The following CDH18 variants were observed in gnomAD, a reference collection of about 807,000 sequenced individuals.
CDH18 encodes cadherin 18.
CDH18 carries 31 observed loss-of-function variants against 67.9 expected under a neutral mutation model. The ratio of observed to expected loss-of-function variants is 0.46; its 90% confidence interval spans 0.34 to 0.62. The LOEUF is 0.62. Among genes scored for constraint, CDH18 ranks in the 20% least tolerant of loss-of-function variants. The probability of loss-of-function intolerance (pLI) is 0.01; values close to 1 mark genes in which losing one functional copy is unlikely to be tolerated. For missense variants in CDH18, 890 were observed against 975.5 expected (o/e 0.91, Z 1.17); for synonymous variants, 362 against 347.2 (o/e 1.04, Z -0.48).
chr5:19,578,930 A>G (rs1428132809), intron 7 of CDH18, among the ~76,000 whole-genome samples: 1 of 151,932 alleles, frequency 6.6e-6, no homozygotes, highest in Non-Finnish European at 1.5e-5. Context: ...TTTGGAAAGG[A>G]GCATTTTATT....
At chr5:20,132,932 T>G (rs1234600236) in intron 2 of CDH18, among the ~76,000 whole-genome samples, 1 of 152,174 alleles carries the variant, frequency 6.6e-6, no homozygotes, top group Non-Finnish European at 1.5e-5. Context: ...AGAACTTTTT[T>G]TTATTACTAG....
At chr5:19,736,323 G>C (rs917539529) in intron 4 of CDH18, among the ~76,000 whole-genome samples, 1 of 152,240 alleles carries the variant, frequency 6.6e-6, no homozygotes, top group Middle Eastern at 3.4e-3. Flanking sequence ...CAAGGCTGCA[G>C]TGAGCCATAA....
intron 9 of CDH18, among the ~76,000 whole-genome samples, chr5:19,543,485 T>G (rs1186949455): frequency 6.6e-6 from 1 of 152,158 alleles, no homozygotes; most frequent in Admixed American, 6.5e-5. Context: ...AATGTGCAAT[T>G]ATACATTTTT....
intron 2 of CDH18, chr5:19,848,138 C>T (rs1051616267): frequency 1.3e-5 from 2 of 152,168 alleles, no homozygotes; most frequent in African/African-American, 4.8e-5. Context: ...CTGGAGCAGG[C>T]AGGAAACTGC....
At chr5:19,954,840 T>A (rs1248068786) in intron 2 of CDH18, among the ~76,000 whole-genome samples, 1 of 144,634 alleles carries the variant, frequency 6.9e-6, no homozygotes, top group Non-Finnish European at 1.5e-5. Context: ...TTATGAAAAA[T>A]AACAATCTCA....
At chr5:20,303,961 T>C (rs1438608198) in intron 1 of CDH18, 1 of 770,208 alleles carries the variant, frequency 1.3e-6, no homozygotes, top group Non-Finnish European at 2.2e-6. Flanking sequence ...TCTTAGAATG[T>C]CAAAGAAGAG....
intron 2 of CDH18, among the ~76,000 whole-genome samples, chr5:19,923,991 GT>G (rs1490733287): frequency 6.6e-6 from 1 of 152,160 alleles, no homozygotes; most frequent in East Asian, 1.9e-4. Context: ...CAAGAAGAGT[GT>G]GTGTTTCAGT....
intron 7 of CDH18, among the ~76,000 whole-genome samples, chr5:19,586,130 G>A (rs1323926138): frequency 6.6e-6 from 1 of 152,080 alleles, no homozygotes; most frequent in African/African-American, 2.4e-5. Flanking sequence ...TGATACAGAG[G>A]AAATACTCTA....
chr5:19,703,619 C>T (rs1001460655), intron 5 of CDH18, among the ~76,000 whole-genome samples: 5 of 151,998 alleles, frequency 3.3e-5, no homozygotes, highest in Non-Finnish European at 7.4e-5. Context: ...AGCAGTGCCT[C>T]GAGTGACTGC....
At position 19,520,683 on chromosome 5, in the gene CDH18, C is replaced by G; in HGVS notation, c.1486G>C (p.Val496Leu). The G allele has an allele frequency of 6.2e-7, 1 of 1,612,966 alleles. No individual in the cohort carries two copies. Among genetic ancestry groups the G allele is most frequent in the East Asian group, 2.2e-5 (1 of 44,794 alleles). Residue 496 changes from valine to leucine, a missense_variant, in exon 10 of 13, where the codon GTA (valine) becomes CTA (leucine). By Grantham distance (32) the Val-to-Leu change is conservative (BLOSUM62 1). Coordinates refer to ENST00000382275, the MANE Select transcript of CDH18 (RefSeq NM_004934.5). ...TGGCCAGGCTTAGAATTTTCACATA[C>G]AATAATATCATATTCCCTGGCAAGT... Reference protein sequence around the residue: ...PELAREYDIIVCENSKPGQVI... With the variant: ...PELAREYDIILCENSKPGQVI...
chr5:20,217,544 A>G lies in CDH18; in HGVS notation c.-518+37900T>C, dbSNP rs1009710490. Among the ~76,000 whole-genome samples, 50 of 151,950 alleles carry G rather than the reference A, an allele frequency of 3.3e-4. 2 individuals are homozygous for G. Among genetic ancestry groups the G allele is most frequent in the Non-Finnish European group, 4.4e-5 (3 of 67,920 alleles). ...ATAAACAAATAATAAACAGCAAGGA[A>G]TTAGAACATACCACCTGAGAAAATC... is the stretch of plus-strand genomic sequence containing the variant. On this transcript the variant is annotated intron_variant, in intron 2 of 14. Coordinates refer to the CDH18 transcript ENST00000507958.
intron 1 of CDH18, among the ~76,000 whole-genome samples, chr5:20,439,766 C>T (rs888395595): frequency 6.6e-6 from 1 of 151,614 alleles, no homozygotes; most frequent in Non-Finnish European, 1.5e-5. Context: ...ATCCTCATTC[C>T]TTGTCTATTT....
chr5:20,156,895 A>C (rs757090641), intron 2 of CDH18, among the ~76,000 whole-genome samples: 1 of 152,232 alleles, frequency 6.6e-6, no homozygotes, highest in Non-Finnish European at 1.5e-5. Context: ...TAAAATGCCA[A>C]TACATCTAAC....
intron 5 of CDH18, among the ~76,000 whole-genome samples, chr5:19,680,958 C>T (rs1372220135): frequency 6.6e-6 from 1 of 151,984 alleles, no homozygotes; most frequent in African/African-American, 2.4e-5. Context: ...AAGACACATT[C>T]ATGTATATGT....
intron 3 of CDH18, among the ~76,000 whole-genome samples, chr5:19,755,315 A>G (rs1771391438): frequency 6.7e-6 from 1 of 149,116 alleles, no homozygotes; most frequent in Admixed American, 6.7e-5. Flanking sequence ...AATCCAAATA[A>G]CCTCGGTAAG....
chr5:19,938,384 A>G (rs904924466), intron 2 of CDH18, among the ~76,000 whole-genome samples: 3 of 151,288 alleles, frequency 2.0e-5, no homozygotes, highest in Non-Finnish European at 4.4e-5. Context: ...ATGACTTCCG[A>G]TATCCTAGAT....
chr5:19,494,558 C>A, intron 11 of CDH18, among the ~76,000 whole-genome samples: 1 of 152,118 alleles, frequency 6.6e-6, no homozygotes, highest in South Asian at 2.1e-4. Context: ...TATCATCTTA[C>A]CAGATTTTTT....
intron 1 of CDH18, among the ~76,000 whole-genome samples, chr5:20,269,763 T>C (rs1297783824): frequency 6.6e-6 from 1 of 152,100 alleles, no homozygotes; most frequent in African/African-American, 2.4e-5. Flanking sequence ...AATTAGTTAA[T>C]GGGTACAATG....
chr5:20,281,797 C>A (rs1021394053), intron 1 of CDH18, among the ~76,000 whole-genome samples: 10 of 152,036 alleles, frequency 6.6e-5, no homozygotes, highest in African/African-American at 1.9e-4. Context: ...TATAAATTAC[C>A]TTGGGCATTA....
Sources: allele counts gnomAD v4.1 joint callset (sites outside exome capture counted in the v4.1 genomes callset), GRCh38; gene constraint gnomAD v4.1.1; transcripts MANE v1.5; gene names NCBI Gene and HGNC (gene_info 2026-07-23, HGNC 2026-07-21).